The following RAP1A variants were observed in gnomAD, a reference collection of about 807,000 sequenced individuals.
The protein encoded by RAP1A is RAP1A, member of RAS oncogene family.
Under a neutral mutation model 26.4 loss-of-function variants are expected in RAP1A, and 6 were observed. The observed-to-expected ratio is 0.23, with a 90% CI of 0.12 to 0.45. The LOEUF (loss-of-function observed/expected upper bound fraction) is 0.45. RAP1A is among the 20% of genes least tolerant of loss of function. The pLI is 0.99. For missense variants in RAP1A, 121 were observed against 217.2 expected, an observed-to-expected ratio of 0.56 and a Z score of 2.78; for synonymous variants, 73 against 79.4, an observed-to-expected ratio of 0.92 and a Z score of 0.43.
intron 1 of RAP1A, among the ~76,000 whole-genome samples, chr1:111,603,625 T>C (rs1180426661): frequency 3.9e-5 from 6 of 152,224 alleles, no homozygotes; most frequent in Non-Finnish European, 7.3e-5. Context: ...AAATGTTTTC[T>C]TCTCTCCCTT....
At chr1:111,643,144 A>G (rs138649196) in intron 1 of RAP1A, among the ~76,000 whole-genome samples, 445 of 152,294 alleles carry the variant, frequency 2.9e-3, no homozygotes, top group African/African-American at 0.01. Flanking sequence ...TGTTGCAGAT[A>G]TTCAACTCTG....
At chr1:111,577,960 G>A (rs200164471) in intron 1 of RAP1A, among the ~76,000 whole-genome samples, 4 of 152,162 alleles carry the variant, frequency 2.6e-5, no homozygotes, top group South Asian at 2.1e-4. Flanking sequence ...GTCTTTGCAC[G>A]TAAAGGAGTC....
intron 1 of RAP1A, chr1:111,563,699 AC>A: frequency 1.6e-6 from 1 of 618,166 alleles, no homozygotes; most frequent in Non-Finnish European, 2.9e-6. Context: ...CCTGTGGAAT[AC>A]AAATTATCTC....
At chr1:111,646,905 G>A (rs1022289000) in intron 1 of RAP1A, among the ~76,000 whole-genome samples, 1 of 152,160 alleles carries the variant, frequency 6.6e-6, no homozygotes, top group Non-Finnish European at 1.5e-5. Flanking sequence ...CTTTTTCCAA[G>A]TTTTTGTTAC....
chr1:111,662,374 G>A lies in RAP1A; in HGVS notation c.-27-28960G>A, dbSNP rs1357158063. Among the ~76,000 whole-genome samples, 5 of 127,266 alleles carry A rather than the reference G, an allele frequency of 3.9e-5. No individual in the cohort carries two copies. In the South Asian group the frequency reaches 1.3e-3, roughly 32 times the overall value. 83.5% of individuals were successfully genotyped at this position (127,266 alleles called of 152,430 possible). A position where few individuals can be genotyped will look rare whatever the true frequency, so the allele number is the denominator to read the frequency against. On this transcript the variant is annotated intron_variant, in intron 1 of 7. Coordinates refer to ENST00000369709, the MANE Select transcript of RAP1A (RefSeq NM_002884.4). ...AGCACCATCGTATTCAGGCTTGGGC[G>A]AAAGAGCGAGACTCCATCTCAAAAA...
At chr1:111,682,279 T>C (rs1391548554) in intron 1 of RAP1A, among the ~76,000 whole-genome samples, 1 of 152,122 alleles carries the variant, frequency 6.6e-6, no homozygotes, top group Non-Finnish European at 1.5e-5. Flanking sequence ...ATGAAGAAAC[T>C]GCATCAACTA....
chr1:111,633,066 C>G (rs919749250), intron 1 of RAP1A, among the ~76,000 whole-genome samples: 2 of 152,024 alleles, frequency 1.3e-5, no homozygotes, highest in East Asian at 3.9e-4. Flanking sequence ...GGACAATAAA[C>G]CTAGATCGAA....
intron 1 of RAP1A, among the ~76,000 whole-genome samples, chr1:111,593,360 A>G (rs548911675): frequency 1.3e-5 from 2 of 152,312 alleles, no homozygotes; most frequent in East Asian, 1.9e-4. Flanking sequence ...TTCTGGTTAT[A>G]TGGTATCTGG....
At chr1:111,598,641 G>A (rs1224028271) in intron 1 of RAP1A, among the ~76,000 whole-genome samples, 15 of 152,148 alleles carry the variant, frequency 9.9e-5, no homozygotes, top group Admixed American at 8.5e-4. Context: ...AACAATCATC[G>A]CAGAAGACTT....
chr1:111,704,300 A>C, intron 5 of RAP1A, 43 bp from the exon 6 acceptor site: 1 of 1,594,788 alleles, frequency 6.3e-7, no homozygotes, highest in Non-Finnish European at 8.6e-7. Context: ...AGGCTAAGTA[A>C]TGAGTATGTT....
At chr1:111,610,661 T>C (rs1235403220) in intron 1 of RAP1A, among the ~76,000 whole-genome samples, 2 of 152,178 alleles carry the variant, frequency 1.3e-5, no homozygotes, top group Non-Finnish European at 2.9e-5. Context: ...TTGGAAGTTA[T>C]TGGTTCTTAT....
chr1:111,600,394 T>C (rs1349096053), intron 1 of RAP1A, among the ~76,000 whole-genome samples: 1 of 152,194 alleles, frequency 6.6e-6, no homozygotes, highest in Non-Finnish European at 1.5e-5. Context: ...GAGTTTCCCT[T>C]AAGTGTAAAT....
At chr1:111,699,058 G>T (rs1026429298) in intron 4 of RAP1A, among the ~76,000 whole-genome samples, 12 of 151,532 alleles carry the variant, frequency 7.9e-5, no homozygotes, top group African/African-American at 2.2e-4. Context: ...CCAATATCGT[G>T]TCTGTCTCCC....
At chr1:111,596,172 C>A (rs1658560338) in intron 1 of RAP1A, among the ~76,000 whole-genome samples, 1 of 152,054 alleles carries the variant, frequency 6.6e-6, no homozygotes, top group Admixed American at 6.5e-5. Context: ...TCTCTGGGAT[C>A]CAGGAGTCAC....
intron 1 of RAP1A, among the ~76,000 whole-genome samples, chr1:111,550,706 GCAGGCCT>G (rs1251091899): frequency 1.3e-5 from 2 of 152,206 alleles, no homozygotes; most frequent in African/African-American, 2.4e-5. Context: ...ATGTTGCCCA[GCAGGCCT>G]TGAACTCCTA....
intron 1 of RAP1A, among the ~76,000 whole-genome samples, chr1:111,685,851 A>G (rs1661456623): frequency 6.7e-6 from 1 of 148,364 alleles, no homozygotes; most frequent in Non-Finnish European, 1.5e-5. Flanking sequence ...ATTATTCACA[A>G]TAGCAGAGAC....
chr1:111,651,920 A>G (rs957122673), intron 1 of RAP1A, among the ~76,000 whole-genome samples: 3 of 150,410 alleles, frequency 2.0e-5, no homozygotes, highest in Non-Finnish European at 3.0e-5. Context: ...CTCCAAATAT[A>G]TGTATTTTTT....
chr1:111,609,036 T>C (rs540784946), intron 1 of RAP1A, among the ~76,000 whole-genome samples: 29 of 152,340 alleles, frequency 1.9e-4, no homozygotes, highest in African/African-American at 6.7e-4. Flanking sequence ...CTCATTAAAG[T>C]CAGCAAATGA....
chr1:111,553,732 A>G (rs1657369295), intron 1 of RAP1A, among the ~76,000 whole-genome samples: 1 of 152,140 alleles, frequency 6.6e-6, no homozygotes, highest in Non-Finnish European at 1.5e-5. Flanking sequence ...CTCTGACATT[A>G]GGCTCAAATT....
Sources: gnomAD v4.1 joint callset for allele counts (sites outside exome capture counted in the v4.1 genomes callset) on GRCh38, gnomAD v4.1.1 for gene constraint, MANE v1.5 for transcripts, NCBI Gene and HGNC (gene_info 2026-07-23, HGNC 2026-07-21) for gene names.